The following TECR variants were observed in gnomAD, a reference collection of about 807,000 sequenced individuals.
TECR encodes the protein very-long-chain enoyl-CoA reductase.
In TECR, 19 loss-of-function variants were observed where a neutral mutation model predicts 50.6. The ratio of observed to expected loss-of-function variants is 0.38; its 90% CI spans 0.26 to 0.55. The LOEUF is 0.55. Among genes scored for constraint, TECR ranks in the 20% least tolerant of loss-of-function variants. The probability of loss-of-function intolerance (pLI) is 0.79; values close to 1 mark genes in which losing one functional copy is unlikely to be tolerated. For synonymous variants in TECR, 168 were observed against 163.5 expected (o/e 1.03, Z -0.21); for missense variants, 313 against 408.3 (o/e 0.77, Z 2.01).
chr19:14,564,388 A>G (rs2073999392), intron 7 of TECR, 101 bp downstream of exon 7: 3 of 905,986 alleles, frequency 3.3e-6, no homozygotes, highest in Non-Finnish European at 4.8e-6. Flanking sequence ...GTCTGCCACT[A>G]CGCCCCAGCA....
intron 1 of TECR, among the ~76,000 whole-genome samples, chr19:14,546,306 G>A (rs1007882764): frequency 1.3e-5 from 2 of 152,024 alleles, no homozygotes; most frequent in African/African-American, 4.8e-5. Flanking sequence ...TCCACCCTAG[G>A]CCAGGTGTAG....
chr19:14,551,499 G>A (rs969410970), intron 1 of TECR, among the ~76,000 whole-genome samples: 2 of 152,184 alleles, frequency 1.3e-5, no homozygotes, highest in Admixed American at 6.5e-5. Context: ...AGTTGGAGAA[G>A]CAGACAGGCA....
intron 10 of TECR, 25 bp downstream of exon 10, chr19:14,565,148 G>C (rs749589925): frequency 1.2e-6 from 2 of 1,613,692 alleles, no homozygotes; most frequent in East Asian, 4.5e-5. Context: ...GGGGCAGGGG[G>C]ACAGCTGGGC....
rs1280356735 is a variant in TECR, at chr19:14,565,051, C to T, written c.607-15C>T. 3.1e-6 allele frequency: 5 copies of T among 1,613,808 alleles called. No homozygotes were observed. Among genetic ancestry groups the T allele is most frequent in the African/African-American group, 1.3e-5 (1 of 74,928 alleles). On this transcript the variant is annotated splice_polypyrimidine_tract_variant and intron_variant, in intron 9 of 12. Coordinates refer to ENST00000215567, the MANE Select transcript of TECR (RefSeq NM_138501.6). ...GAGTCTGGGCGGCCCTAGGCTGATCCTGCTTCTCTGACAGATCTGCCAGCT... is the reference window on the plus strand; with the variant it reads ...GAGTCTGGGCGGCCCTAGGCTGATCTTGCTTCTCTGACAGATCTGCCAGCT...
chr19:14,565,314 C>G, intron 11 of TECR, 24 bp downstream of exon 11: 2 of 1,611,660 alleles, frequency 1.2e-6, no homozygotes, highest in Admixed American at 1.7e-5. Flanking sequence ...TTACCCCTCT[C>G]TGCCCTGGGA....
At chr19:14,530,634 G>A (rs2146544969) in intron 1 of TECR, 1 of 152,240 alleles carries the variant, frequency 6.6e-6, no homozygotes, top group East Asian at 1.9e-4. Flanking sequence ...AAGGCCCCTA[G>A]TTAGTAAATG....
chr19:14,536,983 G>A (rs2072921982), intron 1 of TECR, among the ~76,000 whole-genome samples: 1 of 141,456 alleles, frequency 7.1e-6, no homozygotes, highest in Non-Finnish European at 1.5e-5. Flanking sequence ...AGGGGGCGGG[G>A]CCGAGGAGGA....
intron 1 of TECR, among the ~76,000 whole-genome samples, chr19:14,547,612 T>G (rs1264686402): frequency 1.3e-5 from 2 of 152,000 alleles, no homozygotes; most frequent in Non-Finnish European, 2.9e-5. Flanking sequence ...TCCACCTGCC[T>G]TGGCCTCCCA....
At chr19:14,542,347 G>GTTTTTTTTGTTTTTTTTTTTTTTTTT (rs2073126138) in intron 1 of TECR, among the ~76,000 whole-genome samples, 1 of 43,282 alleles carries the variant, frequency 2.3e-5, no homozygotes, top group African/African-American at 8.1e-5. Context: ...ATGCCATAGT[G>GTTTTTTTTGTTTTTTTTTTTTTTTTT]TTTTTTTTTT....
intron 1 of TECR, among the ~76,000 whole-genome samples, chr19:14,535,590 G>GTATATATATATATATA (rs2072868953): frequency 3.7e-5 from 1 of 27,082 alleles, no homozygotes; most frequent in African/African-American, 1.2e-4. Flanking sequence ...ATATATATAT[G>GTATATATATATATATA]TATGTATATA....
chr19:14,546,719 C>G lies in TECR; in HGVS notation c.16-15806C>G, dbSNP rs575011056. On this transcript the variant is annotated intron_variant, in intron 1 of 12. Transcript: ENST00000215567. ...TCTTTTTTTAAGACGGAGTCTTGCT[C>G]TGTTGCCCTGGCTGGAGTGCCGTGT... Among the ~76,000 whole-genome samples, 5 of 152,266 alleles carry G rather than the reference C, an allele frequency of 3.3e-5. No individual in the cohort carries two copies. The East Asian group carries it at 7.7e-4, about 24-fold the overall frequency.
At chr19:14,529,558 G>T (rs751227381), upstream of TECR, 43 of 1,333,350 alleles carry the variant, frequency 3.2e-5, no homozygotes, top group Admixed American at 6.9e-4. Flanking sequence ...GACGGGGCGC[G>T]CGCGGCCTGG....
chr19:14,529,961 G>A (rs1254639003), intron 1 of TECR: 2 of 585,370 alleles, frequency 3.4e-6, no homozygotes, highest in Non-Finnish European at 6.1e-6. Flanking sequence ...TGCAGGGGCT[G>A]GGACGCTTGC....
chr19:14,562,676 C>A, intron 2 of TECR, 101 bp downstream of exon 2: 2 of 1,344,670 alleles, frequency 1.5e-6, no homozygotes, highest in Admixed American at 1.7e-5. Context: ...TGTGCCCCAC[C>A]CCCTGCCCTA....
At position 14,563,807 on chromosome 19, in the gene TECR, G is replaced by T. The variant is rs761179115; in HGVS notation, c.171G>T (p.Lys57Asn). 3 of 1,613,748 alleles carry T rather than the reference G, an allele frequency of 1.9e-6. No homozygotes were observed. The highest frequency in any genetic ancestry group is 2.5e-6 in the Non-Finnish European group (3 of 1,179,946). ...TGGCCCGCCTCTCTGCAGAGGGCAA[G>T]TCCCTGAAGGATGAGGATGTTCTGC... is the stretch of plus-strand genomic sequence containing the variant. ...RQSLRLDPKG[K>N]SLKDEDVLQK... The change falls in exon 5 of 13, where the codon AAG becomes AAT. Residue 57 changes from lysine (K) to asparagine (N), a missense_variant. Coordinates refer to ENST00000215567, the MANE Select transcript of TECR (RefSeq NM_138501.6). The surrounding 1 kb of genome is among the most constrained non-coding windows in gnomAD (Gnocchi z 5.3).
chr19:14,529,572 G>T (rs772272016), upstream of TECR: 5 of 1,468,482 alleles, frequency 3.4e-6, no homozygotes, highest in East Asian at 1.1e-4. Context: ...GGCCTGGAGG[G>T]GCGGGGCGGA....
intron 1 of TECR, among the ~76,000 whole-genome samples, chr19:14,538,061 T>C (rs1452839895): frequency 2.0e-5 from 3 of 152,160 alleles, no homozygotes; most frequent in African/African-American, 4.8e-5. Flanking sequence ...GTGCTTCTTA[T>C]CTAGTAACAT....
At chr19:14,528,287 T>TGGA (rs2146538128), upstream of TECR, among the ~76,000 whole-genome samples, 1 of 150,228 alleles carries the variant, frequency 6.7e-6, no homozygotes, top group Non-Finnish European at 1.5e-5. Flanking sequence ...TTGCTCAGGC[T>TGGA]GGAGTGTAGT....
intron 10 of TECR, 27 bp downstream of exon 10, chr19:14,565,150 C>T (rs1568433102): frequency 6.2e-7 from 1 of 1,613,774 alleles, no homozygotes. Context: ...GGCAGGGGGA[C>T]AGCTGGGCTG....
Sources: allele counts gnomAD v4.1 joint callset (sites outside exome capture counted in the v4.1 genomes callset), GRCh38; gene constraint gnomAD v4.1.1; non-coding constraint Gnocchi (gnomAD v3.1); transcripts MANE v1.5; gene names NCBI Gene and HGNC (gene_info 2026-07-23, HGNC 2026-07-21).